The following ATG16L1 variants were observed in gnomAD, a reference collection of about 807,000 sequenced individuals.
The protein encoded by ATG16L1 is autophagy-related protein 16-1.
In ATG16L1, 37 loss-of-function variants were observed where a neutral mutation model predicts 88.5. The ratio of observed to expected loss-of-function variants is 0.42; its 90% confidence interval spans 0.32 to 0.55. The LOEUF (loss-of-function observed/expected upper bound fraction) is 0.55. Ranked by LOEUF, ATG16L1 falls within the 20% of genes least tolerant of loss-of-function variation. The probability of loss-of-function intolerance (pLI) is 0.13; values close to 1 mark genes in which losing one functional copy is unlikely to be tolerated. For synonymous variants in ATG16L1, 301 were observed against 281.0 expected, an observed-to-expected ratio of 1.07 and a Z score of -0.71; for missense variants, 554 against 752.8, an observed-to-expected ratio of 0.74 and a Z score of 3.09.
At chr2:233,286,244 C>T (rs1699063693) in intron 12 of ATG16L1, among the ~76,000 whole-genome samples, 2 of 152,078 alleles carry the variant, frequency 1.3e-5, no homozygotes, top group East Asian at 1.9e-4. Context: ...AAATAGGGGT[C>T]GGCACTCGTT....
chr2:233,274,249 C>A, intron 8 of ATG16L1: 1 of 563,796 alleles, frequency 1.8e-6, no homozygotes. Context: ...TTTCTTTTGG[C>A]ATGCGTTAGA....
chr2:233,285,167 A>G, intron 12 of ATG16L1, among the ~76,000 whole-genome samples: 1 of 152,232 alleles, frequency 6.6e-6, no homozygotes, highest in East Asian at 1.9e-4. Context: ...GTTCTAATCC[A>G]TCCTGTGGTA....
At chr2:233,290,496 T>C in intron 14 of ATG16L1, 143 bp downstream of exon 14, 1 of 684,466 alleles carries the variant, frequency 1.5e-6, no homozygotes, top group Non-Finnish European at 2.6e-6. Flanking sequence ...AACACTTGGC[T>C]GTTCTTTCCC....
At chr2:233,260,778 C>T (rs1697152978) in intron 2 of ATG16L1, among the ~76,000 whole-genome samples, 1 of 152,168 alleles carries the variant, frequency 6.6e-6, no homozygotes, top group Non-Finnish European at 1.5e-5. Context: ...TGAGGCTCCT[C>T]TGCCTGATGA....
At chr2:233,259,959 G>A (rs2125211626) in intron 2 of ATG16L1, among the ~76,000 whole-genome samples, 1 of 152,312 alleles carries the variant, frequency 6.6e-6, no homozygotes, top group Admixed American at 6.5e-5. Context: ...GGGCATTAGG[G>A]CTGTAGAGAT....
chr2:233,271,044 C>T (rs3792111), intron 6 of ATG16L1, among the ~76,000 whole-genome samples: 62,580 of 151,960 alleles, frequency 0.41, 14,080 homozygotes, highest in Non-Finnish European at 0.52. Context: ...TGTGTCTGCA[C>T]TCTCAGATGT....
chr2:233,284,976 A>G (rs1399461915), intron 12 of ATG16L1, among the ~76,000 whole-genome samples: 2 of 152,238 alleles, frequency 1.3e-5, no homozygotes, highest in African/African-American at 2.4e-5. Flanking sequence ...GACGATGACA[A>G]GGACATGTTG....
Position 233,282,685 on chromosome 2 carries a change from T to A in ATG16L1, c.1135T>A (p.Ser379Thr). Residue 379 changes from serine (S) to threonine (T), a missense_variant, in exon 12 of 18, where the codon TCT (serine) becomes ACT (threonine). Around this residue, in one of 5 missense-constraint regions of ATG16L1, gnomAD observed 370 missense variants for 509.7 expected, o/e 0.73. Transcript: ENST00000392017. ...TTCCTCTTCTTTATTCCCACAGGGA[T>A]CTTACCTCTTAGCAGCTTCAAATGA... is the stretch of plus-strand genomic sequence containing the variant. ...ITSIEFDSAG[S>T]YLLAASNDFA... 1 of 1,614,050 alleles carries A rather than the reference T, an allele frequency of 6.2e-7. No homozygotes were observed. The highest frequency in any genetic ancestry group is 8.5e-7 in the Non-Finnish European group (1 of 1,179,924).
At chr2:233,283,002 G>T in intron 12 of ATG16L1, 1 of 421,904 alleles carries the variant, frequency 2.4e-6, no homozygotes, top group Non-Finnish European at 4.4e-6. Context: ...TCTTCATAAG[G>T]ACTAAATACT....
chr2:233,263,399 A>T (rs140309656), intron 3 of ATG16L1, among the ~76,000 whole-genome samples, 164 bp downstream of exon 3: 1 of 152,242 alleles, frequency 6.6e-6, no homozygotes, highest in Non-Finnish European at 1.5e-5. Context: ...ACAGAATGAA[A>T]AGACCAGGCA....
chr2:233,262,566 C>T (rs1041573988), intron 2 of ATG16L1, among the ~76,000 whole-genome samples: 2 of 152,254 alleles, frequency 1.3e-5, no homozygotes, highest in African/African-American at 2.4e-5. Flanking sequence ...GCTGCTGCTG[C>T]TCCTTCTGCC....
intron 12 of ATG16L1, among the ~76,000 whole-genome samples, chr2:233,284,588 T>A (rs955251761): frequency 6.6e-6 from 1 of 152,212 alleles, no homozygotes; most frequent in Non-Finnish European, 1.5e-5. Flanking sequence ...TGCCTCAGCC[T>A]CCCAAAGTGT....
At chr2:233,278,876 A>G (rs972225584) in intron 10 of ATG16L1, among the ~76,000 whole-genome samples, 2 of 152,218 alleles carry the variant, frequency 1.3e-5, no homozygotes, top group Non-Finnish European at 2.9e-5. Context: ...ATGAATGATA[A>G]TGGCTGAAGC....
In ATG16L1 at chr2:233,264,913, T is replaced by C; in HGVS notation, c.411T>C (p.Thr137=). The part of the protein sequence containing the change: ...NEAKIAECLQ[T]ISDLETECLD... ...CCAGAATTGCAGAATGTTTGCAGAC[T>C]ATCTCTGACCTGGAGACGGAGTGCC... is the stretch of plus-strand genomic sequence containing the variant. Residue 137 remains threonine, a synonymous_variant, in exon 5 of 18, where the codon ACT becomes ACC. Transcript: ENST00000392017. 1 of 1,614,012 alleles carries C rather than the reference T, an allele frequency of 6.2e-7. No homozygotes were observed. The highest frequency in any genetic ancestry group is 8.5e-7 in the Non-Finnish European group (1 of 1,179,882).
intron 10 of ATG16L1, 82 bp downstream of exon 10, chr2:233,277,755 A>G: frequency 7.8e-7 from 1 of 1,282,850 alleles, no homozygotes; most frequent in Non-Finnish European, 1.1e-6. Context: ...TGTTGCTGGC[A>G]TCTGGTTGAC....
At chr2:233,273,101 T>G in intron 7 of ATG16L1, 49 bp downstream of exon 7, 1 of 1,450,934 alleles carries the variant, frequency 6.9e-7, no homozygotes, top group Non-Finnish European at 9.7e-7. Context: ...AGGAGCAATA[T>G]GAAGGCACAT....
chr2:233,264,817 A>C (rs1274716165), intron 4 of ATG16L1, 75 bp from the exon 5 acceptor site: 1 of 1,574,252 alleles, frequency 6.4e-7, no homozygotes, highest in Non-Finnish European at 8.6e-7. Flanking sequence ...AGTGTTAAGC[A>C]CTCAGCCAGG....
rs184975090 is a variant in ATG16L1, at chr2:233,282,071, G to A, written c.1132-611G>A. ...AAATAAGGTTGGAAAATGAGGGTAT[G>A]TTGTATTGAAAGGTTTAGACTTTTG... is the stretch of plus-strand genomic sequence containing the variant. On this transcript the variant is annotated intron_variant, in intron 11 of 17. Coordinates refer to ENST00000392017, the MANE Select transcript of ATG16L1 (RefSeq NM_030803.7). Among the ~76,000 whole-genome samples the A allele has an allele frequency of 1.3e-3, 198 of 152,348 alleles. 1 individual carries two copies. Among genetic ancestry groups the A allele is most frequent in the Non-Finnish European group, 1.7e-3 (117 of 68,032 alleles).
At position 233,294,418 on chromosome 2, in the gene ATG16L1, T is replaced by C. The variant is rs769984085; in HGVS notation, c.*68T>C. The C allele has an allele frequency of 3.1e-6, 4 of 1,307,918 alleles. No individual in the cohort carries two copies. The African/African-American group carries it at 4.4e-5, about 14-fold the overall frequency. The allele number at this position is 1,307,918 out of a possible 1,614,324, so 81.0% of individuals were successfully genotyped here. A position where few individuals can be genotyped will look rare whatever the true frequency, so the allele number is the denominator to read the frequency against. On this transcript the variant is annotated 3_prime_UTR_variant, in exon 18 of 18. Transcript: ENST00000392017. ...AGAAGCACATGGGCTCCTGCAGCCCTGTCCTGGCAGGTGATGTGCTGGGTA... is the reference window on the plus strand; with the variant it reads ...AGAAGCACATGGGCTCCTGCAGCCCCGTCCTGGCAGGTGATGTGCTGGGTA...
Sources: allele counts gnomAD v4.1 joint callset (sites outside exome capture counted in the v4.1 genomes callset), GRCh38; gene constraint gnomAD v4.1.1; regional missense constraint gnomAD v4.1.1; transcripts MANE v1.5; gene names NCBI Gene and HGNC (gene_info 2026-07-23, HGNC 2026-07-21).